SLTM: variants seen among roughly 807,000 people sequenced by gnomAD.
SLTM encodes the protein SAFB-like transcription modulator.
SLTM carries 43 observed loss-of-function variants against 134.6 expected under a neutral mutation model. The observed-to-expected ratio is 0.32, with a 90% CI of 0.25 to 0.41. The LOEUF is 0.41. Ranked by LOEUF, SLTM falls within the 10% of genes least tolerant of loss-of-function variation. SLTM has a pLI of 1.00. For missense variants in SLTM, 1,055 were observed against 1,288.8 expected (o/e 0.82, Z 2.78); for synonymous variants, 424 against 432.3 (o/e 0.98, Z 0.24).
Position 58,900,454 on chromosome 15 carries a change from C to T in SLTM, c.590-517G>A, listed in dbSNP as rs551782746. 163 of 154,102 alleles carry T rather than the reference C, an allele frequency of 1.1e-3. 1 individual carries two copies. The highest frequency in any genetic ancestry group is 9.6e-3 in the Admixed American group (150 of 15,562). 9.5% of individuals were successfully genotyped at this position (154,102 alleles called of 1,614,324 possible). On this transcript the variant is annotated intron_variant, in intron 6 of 20. Coordinates refer to ENST00000380516, the MANE Select transcript of SLTM (RefSeq NM_024755.4). ...TCCGGATTCGTAGGGAAAACTGGTA[C>T]AGAAGGCTCCAAAGATGCTCCTGCT...
intron 2 of SLTM, among the ~76,000 whole-genome samples, chr15:58,917,505 T>C (rs979388281): frequency 6.6e-6 from 1 of 152,230 alleles, no homozygotes; most frequent in Admixed American, 6.5e-5. Context: ...ACTCTGTCTC[T>C]AGTACACCTT....
chr15:58,901,066 A>C (rs2035455348), intron 6 of SLTM, 194 bp downstream of exon 6: 6 of 560,064 alleles, frequency 1.1e-5, no homozygotes, highest in Non-Finnish European at 1.9e-5. Context: ...ATTAAGTTGC[A>C]ATATATCTTT....
At position 58,892,731 on chromosome 15, in the gene SLTM, T is replaced by C. The variant is rs73430520; in HGVS notation, c.1898+166A>G. Among the ~76,000 whole-genome samples, 1,086 of 152,310 alleles carry C rather than the reference T, an allele frequency of 7.1e-3. 11 individuals carry two copies. Among genetic ancestry groups the C allele is most frequent in the African/African-American group, 0.025 (1,034 of 41,558 alleles). ...AACAGATGGAAAAGCACTTTGTAAATTGTAAAGTGCTATGCAAACTTAAGA... is the reference window on the plus strand; with the variant it reads ...AACAGATGGAAAAGCACTTTGTAAACTGTAAAGTGCTATGCAAACTTAAGA... On this transcript the variant is annotated intron_variant, in intron 14 of 20. Transcript: ENST00000380516.
intron 14 of SLTM, among the ~76,000 whole-genome samples, chr15:58,890,768 A>G (rs1260672838): frequency 6.6e-6 from 1 of 152,192 alleles, no homozygotes; most frequent in Admixed American, 6.5e-5. Context: ...ACATTTTAGA[A>G]GGATGTAATC....
chr15:58,880,409 A>G (rs1229206139), intron 20 of SLTM, among the ~76,000 whole-genome samples: 3 of 152,170 alleles, frequency 2.0e-5, no homozygotes, highest in Non-Finnish European at 4.4e-5. Context: ...CTACAGCAGC[A>G]GATCTCTTAA....
At chr15:58,915,319 GTAC>G (rs1446694471) in intron 3 of SLTM, among the ~76,000 whole-genome samples, 19 of 152,186 alleles carry the variant, frequency 1.2e-4, no homozygotes, top group Non-Finnish European at 8.8e-5. Context: ...ATAAGAGACA[GTAC>G]TATTGTTCGT....
intron 4 of SLTM, among the ~76,000 whole-genome samples, chr15:58,913,171 A>C (rs1173112692): frequency 6.6e-5 from 10 of 152,182 alleles, no homozygotes; most frequent in African/African-American, 2.4e-4. Context: ...TTAAAACTTA[A>C]AATGTCCAAA....
chr15:58,912,406 C>T (rs1473804599), intron 5 of SLTM, among the ~76,000 whole-genome samples, 157 bp downstream of exon 5: 2 of 152,026 alleles, frequency 1.3e-5, no homozygotes, highest in African/African-American at 4.8e-5. Context: ...CCCGACCTTG[C>T]CAATAGTTTT....
intron 2 of SLTM, among the ~76,000 whole-genome samples, chr15:58,925,781 A>G (rs2037411575): frequency 6.6e-6 from 1 of 152,210 alleles, no homozygotes; most frequent in African/African-American, 2.4e-5. Context: ...ACACTCCTTC[A>G]GGCAGGTGTG....
intron 2 of SLTM, among the ~76,000 whole-genome samples, chr15:58,924,379 G>C (rs953760663): frequency 6.6e-5 from 10 of 152,192 alleles, no homozygotes; most frequent in African/African-American, 2.2e-4. Flanking sequence ...GCATAAATTT[G>C]TATAAGCCCA....
chr15:58,918,983 C>T (rs1448667471), intron 2 of SLTM, among the ~76,000 whole-genome samples: 2 of 151,688 alleles, frequency 1.3e-5, no homozygotes, highest in Non-Finnish European at 2.9e-5. Context: ...GGCGCAATCT[C>T]GGCTCACTGC....
rs1567093620 is a variant in SLTM, at chr15:58,880,109, T to C, written c.2997-2A>G. ...ATTCTATTAATTGGGGATGCGTTACTGAAAAAGGTTTAAAAGAAAAAAACA... is the reference window on the plus strand; with the variant it reads ...ATTCTATTAATTGGGGATGCGTTACCGAAAAAGGTTTAAAAGAAAAAAACA... On this transcript the variant is annotated splice_acceptor_variant, in intron 20 of 20. Transcript: ENST00000380516. LOFTEE classifies it high-confidence loss of function. 6.2e-7 allele frequency: 1 copy of C among 1,611,194 alleles called. No individual in the cohort carries two copies. Among genetic ancestry groups the C allele is most frequent in the South Asian group, 1.1e-5 (1 of 90,292 alleles).
rs943591433 is a variant in SLTM at position 58,930,869 on chromosome 15, T to C, written c.250+1487A>G. Among the ~76,000 whole-genome samples the C allele has an allele frequency of 1.2e-3, 176 of 151,840 alleles. 1 individual carries two copies. Among genetic ancestry groups the C allele is most frequent in the African/African-American group, 4.0e-3 (166 of 41,418 alleles). Reference sequence around the variant, plus strand: ...AATAATAAGAGATAAATGATGTTCCTAGTCAAAACTGAAAAAGGGATATAC... The same window carrying C: ...AATAATAAGAGATAAATGATGTTCCCAGTCAAAACTGAAAAAGGGATATAC... On this transcript the variant is annotated intron_variant, in intron 2 of 20. Transcript: ENST00000380516.
At chr15:58,886,802 A>G (rs867634860) in intron 19 of SLTM, among the ~76,000 whole-genome samples, 173 bp downstream of exon 19, 1 of 152,222 alleles carries the variant, frequency 6.6e-6, no homozygotes, top group African/African-American at 2.4e-5. Flanking sequence ...TACTGACAGT[A>G]AAGTATGAGA....
In SLTM at chr15:58,883,780, G is replaced by C; in HGVS notation, c.2842C>G (p.Pro948Ala). The C allele has an allele frequency of 6.2e-7, 1 of 1,613,978 alleles. No homozygotes were observed. Among genetic ancestry groups the C allele is most frequent in the South Asian group, 1.1e-5 (1 of 91,072 alleles). Residue 948 changes from proline to alanine, a missense_variant, in exon 20 of 21, where the codon CCT (proline) becomes GCT (alanine). By Grantham distance (27) the Pro-to-Ala change is conservative. This residue lies in a region of SLTM where 776 missense variants were observed against 962.2 expected (regional missense o/e 0.81). Coordinates refer to ENST00000380516, the MANE Select transcript of SLTM (RefSeq NM_024755.4). Reference sequence around the variant, plus strand: ...CGTTCAACCACATGTCGCTCCTCAGGATAGTGCTAAAAGAATAGCATATGA... The same window carrying C: ...CGTTCAACCACATGTCGCTCCTCAGCATAGTGCTAAAAGAATAGCATATGA... ...TDRGGGSQHY[P>A]EERHVVERHG...
chr15:58,894,199 A>C lies in SLTM; in HGVS notation c.1378-6T>G, dbSNP rs773793025. On this transcript the variant is annotated splice_polypyrimidine_tract_variant and splice_region_variant and intron_variant, in intron 10 of 20. Coordinates refer to ENST00000380516, the MANE Select transcript of SLTM (RefSeq NM_024755.4). ...TTAGAGGGATCACCTTTTACCTGAAAGGTTCGAACCAGAAAAACAATTTGT... is the reference window on the plus strand; with the variant it reads ...TTAGAGGGATCACCTTTTACCTGAACGGTTCGAACCAGAAAAACAATTTGT... The C allele has an allele frequency of 6.3e-7, 1 of 1,593,608 alleles. No individual in the cohort carries two copies. The highest frequency in any genetic ancestry group is 1.1e-5 in the South Asian group (1 of 89,016).
At chr15:58,901,852 A>G (rs1482820232) in intron 5 of SLTM, among the ~76,000 whole-genome samples, 1 of 151,910 alleles carries the variant, frequency 6.6e-6, no homozygotes, top group Non-Finnish European at 1.5e-5. Flanking sequence ...CATATCAACC[A>G]CTGCACTCCA....
intron 2 of SLTM, chr15:58,921,587 TA>T: frequency 2.2e-6 from 1 of 445,696 alleles, no homozygotes; most frequent in South Asian, 1.6e-5. Flanking sequence ...CTTGTAATCT[TA>T]AAAGACATTA....
Position 58,933,633 on chromosome 15 carries a change from C to G in SLTM, c.-68G>C, listed in dbSNP as rs1172282798. The G allele has an allele frequency of 7.1e-7, 1 of 1,418,134 alleles. No individual in the cohort carries two copies. Among genetic ancestry groups the G allele is most frequent in the Non-Finnish European group, 9.2e-7 (1 of 1,088,982 alleles). 87.8% of individuals were successfully genotyped at this position (1,418,134 alleles called of 1,614,324 possible). A position where few individuals can be genotyped will look rare whatever the true frequency, so the allele number is the denominator to read the frequency against. ...GGGCGGCGGCAGCAGCGCCAACTTCCACCCAGGCCTCGGCGGCCGCCGGCG... is the reference window on the plus strand; with the variant it reads ...GGGCGGCGGCAGCAGCGCCAACTTCGACCCAGGCCTCGGCGGCCGCCGGCG... On this transcript the variant is annotated 5_prime_UTR_variant, in exon 1 of 21. Coordinates refer to ENST00000380516, the MANE Select transcript of SLTM (RefSeq NM_024755.4).
Sources: allele counts gnomAD v4.1 joint callset (sites outside exome capture counted in the v4.1 genomes callset), GRCh38; gene constraint gnomAD v4.1.1; regional missense constraint gnomAD v4.1.1; transcripts MANE v1.5; gene names NCBI Gene and HGNC (gene_info 2026-07-23, HGNC 2026-07-21).